ZBTB20: variants seen among roughly 807,000 people sequenced by gnomAD.
ZBTB20 encodes the protein zinc finger and BTB domain containing 20.
ZBTB20 carries 9 observed loss-of-function variants against 56.9 expected under a neutral mutation model. The ratio of observed to expected loss-of-function variants is 0.16; its 90% CI spans 0.10 to 0.28. The LOEUF (loss-of-function observed/expected upper bound fraction) is 0.28. ZBTB20 is among the 10% of genes least tolerant of loss of function. The pLI, the probability that ZBTB20 is intolerant of heterozygous loss-of-function variation, is 1.00. For synonymous variants in ZBTB20, 417 were observed against 420.7 expected, an observed-to-expected ratio of 0.99 and a Z score of 0.11; for missense variants, 655 against 1,003.0, an observed-to-expected ratio of 0.65 and a Z score of 4.69.
At chr3:114,994,205 T>C (rs1047599009) in intron 2 of ZBTB20, among the ~76,000 whole-genome samples, 12 of 151,626 alleles carry the variant, frequency 7.9e-5, no homozygotes, top group Admixed American at 1.3e-4. Flanking sequence ...CAAACTCAAA[T>C]GAAATAAGCA....
At chr3:115,042,694 T>G (rs570718320) in intron 2 of ZBTB20, among the ~76,000 whole-genome samples, 1 of 152,224 alleles carries the variant, frequency 6.6e-6, no homozygotes, top group African/African-American at 2.4e-5. Flanking sequence ...TCATACAAAA[T>G]GCATTTCAGG....
At chr3:114,674,008 A>G (rs989228668) in intron 6 of ZBTB20, among the ~76,000 whole-genome samples, 1 of 152,182 alleles carries the variant, frequency 6.6e-6, no homozygotes, top group African/African-American at 2.4e-5. Context: ...CAAAATATAT[A>G]GAAGATACCT....
chr3:114,563,316 C>T (rs1336400471), intron 6 of ZBTB20, among the ~76,000 whole-genome samples: 3 of 152,040 alleles, frequency 2.0e-5, no homozygotes, highest in South Asian at 2.1e-4. Context: ...CAGTTTGAAC[C>T]GAATCCCATT....
chr3:114,410,517 GAACAAAAACA>G (rs2087833168), intron 7 of ZBTB20, among the ~76,000 whole-genome samples: 1 of 152,092 alleles, frequency 6.6e-6, no homozygotes, highest in Non-Finnish European at 1.5e-5. Flanking sequence ...GCATTCTCCA[GAACAAAAACA>G]AACAGGAAGT....
chr3:115,113,926 C>T (rs1221232353), intron 1 of ZBTB20, among the ~76,000 whole-genome samples: 2 of 152,044 alleles, frequency 1.3e-5, no homozygotes, highest in East Asian at 3.8e-4. Context: ...TGAAGTTCCT[C>T]TTTTCTGAGT....
At chr3:114,861,153 A>G (rs547264931) in intron 4 of ZBTB20, among the ~76,000 whole-genome samples, 1 of 152,284 alleles carries the variant, frequency 6.6e-6, no homozygotes, top group African/African-American at 2.4e-5. Context: ...GTTTCTCCTC[A>G]AATGTCACCT....
intron 7 of ZBTB20, among the ~76,000 whole-genome samples, chr3:114,415,306 T>C (rs541108133): frequency 3.9e-5 from 6 of 152,214 alleles, no homozygotes; most frequent in Admixed American, 2.0e-4. Context: ...GAAATGACTG[T>C]CTAGATTCAG....
chr3:114,450,168 A>G (rs1157727846), intron 7 of ZBTB20, among the ~76,000 whole-genome samples: 1 of 152,204 alleles, frequency 6.6e-6, no homozygotes, highest in Non-Finnish European at 1.5e-5. Flanking sequence ...GCGAAAGATC[A>G]TACAAATCAA....
chr3:114,879,884 T>C (rs1457339717), intron 4 of ZBTB20, among the ~76,000 whole-genome samples: 3 of 152,212 alleles, frequency 2.0e-5, no homozygotes, highest in Non-Finnish European at 4.4e-5. Context: ...GACAAAGTAG[T>C]GACCTAATTT....
At chr3:114,946,613 G>T (rs2076896045) in intron 3 of ZBTB20, among the ~76,000 whole-genome samples, 1 of 145,208 alleles carries the variant, frequency 6.9e-6, no homozygotes, top group Admixed American at 6.6e-5. Context: ...TGAAAAAATT[G>T]ATGAAACATA....
chr3:114,831,109 T>A (rs1259248135), intron 4 of ZBTB20, among the ~76,000 whole-genome samples: 2 of 144,966 alleles, frequency 1.4e-5, no homozygotes, highest in African/African-American at 5.4e-5. Flanking sequence ...TTTTTTTTTT[T>A]TTTTTAGTAT....
At chr3:114,669,945 T>C (rs1440308317) in intron 6 of ZBTB20, among the ~76,000 whole-genome samples, 1 of 152,004 alleles carries the variant, frequency 6.6e-6, no homozygotes, top group Non-Finnish European at 1.5e-5. Flanking sequence ...CAATTATATA[T>C]GAAAGGAAGA....
intron 4 of ZBTB20, among the ~76,000 whole-genome samples, chr3:114,812,813 G>A (rs1021971722): frequency 3.3e-5 from 5 of 152,256 alleles, no homozygotes; most frequent in African/African-American, 1.2e-4. Flanking sequence ...GCTCAGGCAT[G>A]GCGGGCTGCA....
chr3:114,828,204 A>C (rs951167630), intron 4 of ZBTB20, among the ~76,000 whole-genome samples: 4 of 151,800 alleles, frequency 2.6e-5, no homozygotes, highest in Non-Finnish European at 5.9e-5. Context: ...TATATGTATT[A>C]TTCATATGTC....
chr3:115,125,390 A>T (rs1051554411), intron 1 of ZBTB20, among the ~76,000 whole-genome samples: 7 of 152,126 alleles, frequency 4.6e-5, no homozygotes, highest in African/African-American at 1.7e-4. Flanking sequence ...ACAATGGAAT[A>T]CTATTCTGCA....
chr3:114,694,653 T>C (rs1455113794), intron 5 of ZBTB20, among the ~76,000 whole-genome samples: 40 of 152,010 alleles, frequency 2.6e-4, no homozygotes, highest in Non-Finnish European at 5.9e-4. Context: ...CAAAGGACCC[T>C]GTGGCAGAGT....
intron 2 of ZBTB20, among the ~76,000 whole-genome samples, chr3:114,987,277 T>C (rs1004403838): frequency 6.6e-6 from 1 of 152,132 alleles, no homozygotes; most frequent in Admixed American, 6.6e-5. Flanking sequence ...TTTTAGGTAA[T>C]TGTCTCTATG....
intron 1 of ZBTB20, among the ~76,000 whole-genome samples, chr3:115,094,500 A>C (rs1276665326): frequency 6.6e-6 from 1 of 151,668 alleles, no homozygotes; most frequent in Non-Finnish European, 1.5e-5. Context: ...AACTAGAAAA[A>C]TTACATAGCC....
intron 3 of ZBTB20, among the ~76,000 whole-genome samples, chr3:114,953,163 TA>T (rs974981341): frequency 6.6e-6 from 1 of 151,900 alleles, no homozygotes; most frequent in African/African-American, 2.4e-5. Flanking sequence ...AAGAAGAGTA[TA>T]AAAAGATATG....
Sources: gnomAD v4.1 joint callset for allele counts (sites outside exome capture counted in the v4.1 genomes callset) on GRCh38, gnomAD v4.1.1 for gene constraint, MANE v1.5 for transcripts, NCBI Gene and HGNC (gene_info 2026-07-23, HGNC 2026-07-21) for gene names.